The following EYS variants were observed in gnomAD, a reference collection of about 807,000 sequenced individuals.
EYS encodes the protein EGF-like photoreceptor maintenance factor.
Under a neutral mutation model 282.1 loss-of-function variants are expected in EYS, and 250 were observed. The ratio of observed to expected loss-of-function variants is 0.89; its 90% confidence interval spans 0.80 to 0.98. The LOEUF is 0.98. Ranked by LOEUF, EYS falls within the 50% of genes least tolerant of loss-of-function variation. EYS has a pLI of 0.00. For missense variants in EYS, 4,016 were observed against 3,709.0 expected (o/e 1.08, Z -2.15); for synonymous variants, 1,355 against 1,282.9 (o/e 1.06, Z -1.20).
At chr6:64,671,914 A>T (rs1331108621) in intron 22 of EYS, among the ~76,000 whole-genome samples, 1 of 152,168 alleles carries the variant, frequency 6.6e-6, no homozygotes, top group African/African-American at 2.4e-5. Context: ...ATAATTTATG[A>T]TCACCTCACT....
chr6:64,517,003 G>A (rs1323243415), intron 26 of EYS, among the ~76,000 whole-genome samples: 1 of 151,628 alleles, frequency 6.6e-6, no homozygotes, highest in Non-Finnish European at 1.5e-5. Context: ...CTTAATACTA[G>A]CACAGCATAA....
intron 2 of EYS, among the ~76,000 whole-genome samples, chr6:65,622,481 C>T (rs1400107636): frequency 6.6e-6 from 1 of 151,962 alleles, no homozygotes; most frequent in African/African-American, 2.4e-5. Flanking sequence ...GTAGTAGCTA[C>T]ATTCTTTTAC....
chr6:65,154,695 A>G (rs1298220870), intron 12 of EYS, among the ~76,000 whole-genome samples: 2 of 151,530 alleles, frequency 1.3e-5, no homozygotes, highest in Non-Finnish European at 3.0e-5. Context: ...ACATTTAATT[A>G]CCTCCATTAA....
In EYS at chr6:64,775,638, T is replaced by G. The variant is rs570507384; in HGVS notation, c.3443+37740A>C. Among the ~76,000 whole-genome samples, 52 of 152,134 alleles carry G rather than the reference T, an allele frequency of 3.4e-4. 1 individual carries two copies. Among genetic ancestry groups the G allele is most frequent in the African/African-American group, 1.2e-3 (50 of 41,566 alleles). On this transcript the variant is annotated intron_variant, in intron 22 of 42. Transcript: ENST00000503581. ...GATGTTTTTCTCTAGGCCACAAAAT[T>G]TTCTTAAGAGTAATCCTACCTATAG...
At chr6:63,762,698 T>A in intron 40 of EYS, 65 bp from the exon 41 acceptor site, 1 of 1,365,408 alleles carries the variant, frequency 7.3e-7, no homozygotes, top group Non-Finnish European at 9.9e-7. Flanking sequence ...TACTATGTAT[T>A]GCCCTGATGC....
intron 26 of EYS, among the ~76,000 whole-genome samples, chr6:64,516,510 T>C (rs1777564136): frequency 6.6e-6 from 1 of 151,852 alleles, no homozygotes; most frequent in African/African-American, 2.4e-5. Flanking sequence ...GATTGAGCTG[T>C]CTACCTACAA....
At position 65,070,525 on chromosome 6, in the gene EYS, AT is replaced by A. The variant is rs758147988; in HGVS notation, c.2024-12799del. On this transcript the variant is annotated intron_variant, in intron 12 of 42. Coordinates refer to ENST00000503581, the MANE Select transcript of EYS (RefSeq NM_001142800.2). ...TTACATCTAGAGTTTTGTAATTTTAATTTTTTTTTGTTTGTGGGTACACTGT... is the reference window on the plus strand; with the variant it reads ...TTACATCTAGAGTTTTGTAATTTTAATTTTTTTTGTTTGTGGGTACACTGT... Among the ~76,000 whole-genome samples, 24 of 150,556 alleles carry A rather than the reference AT, an allele frequency of 1.6e-4. No homozygotes were observed. In the South Asian group the frequency reaches 3.4e-3, roughly 21 times the overall value.
At chr6:64,576,949 A>G (rs998552426) in intron 26 of EYS, among the ~76,000 whole-genome samples, 27 of 152,108 alleles carry the variant, frequency 1.8e-4, no homozygotes, top group Admixed American at 1.3e-3. Flanking sequence ...TGAGATTGAG[A>G]CTGAATCCAT....
At chr6:65,471,245 A>T (rs1309869246) in intron 5 of EYS, among the ~76,000 whole-genome samples, 2 of 150,762 alleles carry the variant, frequency 1.3e-5, no homozygotes, top group African/African-American at 4.9e-5. Flanking sequence ...AAAAAAAAAA[A>T]AAAAATTGTC....
chr6:64,153,490 T>C (rs1021661821), intron 31 of EYS, among the ~76,000 whole-genome samples: 67 of 152,302 alleles, frequency 4.4e-4, no homozygotes, highest in African/African-American at 1.5e-3. Context: ...AACTATAAAA[T>C]GTAGAATTTA....
At chr6:64,745,391 ATATT>A (rs1317001927) in intron 22 of EYS, among the ~76,000 whole-genome samples, 1 of 152,184 alleles carries the variant, frequency 6.6e-6, no homozygotes, top group Non-Finnish European at 1.5e-5. Flanking sequence ...TTGTTAATGA[ATATT>A]TAACTATTTT....
At chr6:65,205,595 A>C (rs1766015240) in intron 12 of EYS, among the ~76,000 whole-genome samples, 1 of 151,662 alleles carries the variant, frequency 6.6e-6, no homozygotes, top group South Asian at 2.1e-4. Flanking sequence ...AACCAGAGGG[A>C]ATACATTTTT....
At chr6:64,430,016 A>G (rs1349435393) in intron 28 of EYS, among the ~76,000 whole-genome samples, 1 of 152,180 alleles carries the variant, frequency 6.6e-6, no homozygotes, top group Admixed American at 6.6e-5. Flanking sequence ...AAAGTAGTTA[A>G]ATAGCTAATT....
At chr6:64,147,027 C>T (rs995296674) in intron 31 of EYS, among the ~76,000 whole-genome samples, 2 of 152,170 alleles carry the variant, frequency 1.3e-5, no homozygotes, top group African/African-American at 4.8e-5. Context: ...AAAGATCATT[C>T]ACTTTCCACC....
chr6:65,324,637 G>A (rs1769568957), intron 11 of EYS, among the ~76,000 whole-genome samples: 1 of 152,118 alleles, frequency 6.6e-6, no homozygotes, highest in African/African-American at 2.4e-5. Flanking sequence ...AGAGAAAATG[G>A]TACCTATAAC....
chr6:64,820,443 G>A (rs1185945578), intron 21 of EYS, among the ~76,000 whole-genome samples: 2 of 151,942 alleles, frequency 1.3e-5, no homozygotes, highest in Non-Finnish European at 2.9e-5. Flanking sequence ...ATTACTTCAG[G>A]CAATATTTGC....
chr6:64,531,750 C>G (rs1385647518), intron 26 of EYS, among the ~76,000 whole-genome samples: 1 of 151,888 alleles, frequency 6.6e-6, no homozygotes, highest in African/African-American at 2.4e-5. Flanking sequence ...AAATTTTAAA[C>G]TAACAATTAA....
chr6:65,079,526 G>A (rs1028852743), intron 12 of EYS, among the ~76,000 whole-genome samples: 1 of 151,640 alleles, frequency 6.6e-6, no homozygotes, highest in African/African-American at 2.4e-5. Flanking sequence ...CAAAGACTAA[G>A]TTAGAAAAAA....
At chr6:65,168,880 C>CA (rs1284485410) in intron 12 of EYS, among the ~76,000 whole-genome samples, 1 of 151,262 alleles carries the variant, frequency 6.6e-6, no homozygotes, top group African/African-American at 2.4e-5. Context: ...GCAACTTTTT[C>CA]AAAATTGGCC....
Sources: gnomAD v4.1 joint callset for allele counts (sites outside exome capture counted in the v4.1 genomes callset) on GRCh38, gnomAD v4.1.1 for gene constraint, MANE v1.5 for transcripts, NCBI Gene and HGNC (gene_info 2026-07-23, HGNC 2026-07-21) for gene names.